PTPRD: variants seen among roughly 807,000 people sequenced by gnomAD.
PTPRD encodes the protein receptor-type tyrosine-protein phosphatase delta.
A neutral mutation model predicts 214.5 loss-of-function variants in PTPRD; 34 were observed. The observed-to-expected ratio is 0.16, with a 90% CI of 0.12 to 0.21. PTPRD has a LOEUF of 0.21. Among genes scored for constraint, PTPRD ranks in the 10% least tolerant of loss-of-function variants. The pLI is 1.00. For synonymous variants in PTPRD, 1,128 were observed against 845.7 expected (o/e 1.33, Z -5.79); for missense variants, 2,545 against 2,398.7 (o/e 1.06, Z -1.27).
chr9:8,344,989 GAAAC>G (rs1856219521), intron 39 of PTPRD, among the ~76,000 whole-genome samples: 4 of 48,090 alleles, frequency 8.3e-5, no homozygotes, highest in African/African-American at 1.4e-4. Flanking sequence ...CTGACAATGA[GAAAC>G]AAGCAATGTA....
chr9:9,905,036 C>T (rs768066981), intron 5 of PTPRD, among the ~76,000 whole-genome samples: 1 of 151,954 alleles, frequency 6.6e-6, no homozygotes, highest in African/African-American at 2.4e-5. Flanking sequence ...TATCAGTGTT[C>T]TGTTTAATAT....
chr9:8,791,417 G>C (rs1376603030), intron 11 of PTPRD, among the ~76,000 whole-genome samples: 3 of 151,544 alleles, frequency 2.0e-5, no homozygotes, highest in African/African-American at 4.9e-5. Context: ...GTAGAGACAT[G>C]GTTTCACCAT....
chr9:9,029,347 T>C (rs905593921), intron 10 of PTPRD, among the ~76,000 whole-genome samples: 3 of 151,740 alleles, frequency 2.0e-5, no homozygotes, highest in African/African-American at 7.3e-5. Flanking sequence ...AAAGTGCTGA[T>C]TGGTTAGGAG....
rs56044421 is a variant in PTPRD at position 9,680,527 on chromosome 9, A to G, written c.-287+54006T>C. Among the ~76,000 whole-genome samples, 944 of 151,952 alleles carry G rather than the reference A, an allele frequency of 6.2e-3. 5 individuals are homozygous for G. Among genetic ancestry groups the G allele is most frequent in the East Asian group, 0.016 (84 of 5,152 alleles). ...ATGAGAAATAGTTTTATATTGTCCCAAAAGTGATATACTTAACAGAGGTTT... is the reference window on the plus strand; with the variant it reads ...ATGAGAAATAGTTTTATATTGTCCCGAAAGTGATATACTTAACAGAGGTTT... On this transcript the variant is annotated intron_variant, in intron 7 of 45. Coordinates refer to ENST00000381196, the MANE Select transcript of PTPRD (RefSeq NM_002839.4).
At chr9:9,589,386 G>A (rs1214329184) in intron 7 of PTPRD, among the ~76,000 whole-genome samples, 1 of 151,282 alleles carries the variant, frequency 6.6e-6, no homozygotes, top group Non-Finnish European at 1.5e-5. Flanking sequence ...TAACTCTTGT[G>A]GCATGTTCTC....
At chr9:8,856,024 G>A (rs2154544198) in intron 11 of PTPRD, among the ~76,000 whole-genome samples, 1 of 152,316 alleles carries the variant, frequency 6.6e-6, no homozygotes, top group African/African-American at 2.4e-5. Flanking sequence ...AATGTGGGAG[G>A]TAGGGAAAAT....
chr9:9,800,029 T>C (rs1043059192), intron 5 of PTPRD, among the ~76,000 whole-genome samples: 2 of 152,186 alleles, frequency 1.3e-5, no homozygotes, highest in African/African-American at 4.8e-5. Context: ...TTGACATTCT[T>C]GTCAAAAGAA....
intron 9 of PTPRD, among the ~76,000 whole-genome samples, chr9:9,237,542 C>A (rs1594261982): frequency 6.6e-6 from 1 of 152,098 alleles, no homozygotes; most frequent in African/African-American, 2.4e-5. Flanking sequence ...GTAGTAATTA[C>A]CCTAGACCAC....
At chr9:10,031,471 A>G (rs1246834264) in intron 4 of PTPRD, among the ~76,000 whole-genome samples, 3 of 151,348 alleles carry the variant, frequency 2.0e-5, no homozygotes, top group Middle Eastern at 3.2e-3. Flanking sequence ...CCCAGCCTAC[A>G]TCTTTCTCCA....
intron 3 of PTPRD, among the ~76,000 whole-genome samples, chr9:10,245,845 G>A (rs77583909): frequency 1.1e-3 from 161 of 152,166 alleles, no homozygotes; most frequent in African/African-American, 3.7e-3. Flanking sequence ...GGAAGAGATA[G>A]TATCAAGTAA....
chr9:9,494,166 A>G (rs2096062072), intron 8 of PTPRD, among the ~76,000 whole-genome samples: 1 of 152,208 alleles, frequency 6.6e-6, no homozygotes, highest in Non-Finnish European at 1.5e-5. Flanking sequence ...GTTGCTTCTT[A>G]TAAGTGAGCA....
intron 9 of PTPRD, among the ~76,000 whole-genome samples, chr9:9,310,445 A>G (rs1482584311): frequency 6.6e-6 from 1 of 152,112 alleles, no homozygotes; most frequent in Non-Finnish European, 1.5e-5. Context: ...TGTACTATCT[A>G]CAAGTGAAAG....
chr9:10,480,557 A>G (rs185272742), intron 2 of PTPRD, among the ~76,000 whole-genome samples: 23 of 152,264 alleles, frequency 1.5e-4, no homozygotes, highest in African/African-American at 5.3e-4. Flanking sequence ...AATAAGGAAG[A>G]AAGAAAGCAT....
chr9:8,975,433 T>G (rs944172505), intron 11 of PTPRD, among the ~76,000 whole-genome samples: 2 of 152,088 alleles, frequency 1.3e-5, no homozygotes, highest in African/African-American at 4.8e-5. Context: ...ATTGATTCAT[T>G]TAATCTCTAT....
At chr9:8,611,563 G>C (rs1382563202) in intron 14 of PTPRD, among the ~76,000 whole-genome samples, 4 of 151,890 alleles carry the variant, frequency 2.6e-5, no homozygotes, top group Non-Finnish European at 5.9e-5. Flanking sequence ...AAATTAGCAG[G>C]GCATGGTGGT....
At chr9:9,882,423 C>T (rs1296161443) in intron 5 of PTPRD, among the ~76,000 whole-genome samples, 1 of 152,074 alleles carries the variant, frequency 6.6e-6, no homozygotes, top group Non-Finnish European at 1.5e-5. Flanking sequence ...AAGTTGGTTT[C>T]TTCTGCTGAG....
At chr9:9,541,682 C>T (rs76623883) in intron 8 of PTPRD, among the ~76,000 whole-genome samples, 1,613 of 151,940 alleles carry the variant, frequency 0.011, 20 homozygotes, top group African/African-American at 0.036. Flanking sequence ...TCCCCAAAGG[C>T]ATTTACCAAG....
intron 5 of PTPRD, among the ~76,000 whole-genome samples, chr9:9,916,942 A>G (rs1483054914): frequency 6.6e-6 from 1 of 151,946 alleles, no homozygotes; most frequent in Non-Finnish European, 1.5e-5. Context: ...AATGGAAATT[A>G]AACAACATGT....
intron 12 of PTPRD, among the ~76,000 whole-genome samples, chr9:8,670,416 T>A (rs1006763432): frequency 3.9e-5 from 6 of 152,150 alleles, no homozygotes; most frequent in Non-Finnish European, 8.8e-5. Flanking sequence ...TCAGCTTGAA[T>A]GTATGGATTA....
Sources: allele counts gnomAD v4.1 joint callset (sites outside exome capture counted in the v4.1 genomes callset), GRCh38; gene constraint gnomAD v4.1.1; transcripts MANE v1.5; gene names NCBI Gene and HGNC (gene_info 2026-07-23, HGNC 2026-07-21).